The following TBC1D9 variants were observed in gnomAD, a reference collection of about 807,000 sequenced individuals.
TBC1D9 encodes TBC1 domain family member 9A.
In TBC1D9, 63 loss-of-function variants were observed where a neutral mutation model predicts 132.0. That is an observed-to-expected ratio of 0.48 (90% CI 0.39 to 0.59). The LOEUF (loss-of-function observed/expected upper bound fraction) is 0.59. Ranked by LOEUF, TBC1D9 falls within the 20% of genes least tolerant of loss-of-function variation. The pLI, the probability that TBC1D9 is intolerant of heterozygous loss-of-function variation, is 0.00. For missense variants in TBC1D9, 1,261 were observed against 1,592.7 expected, an observed-to-expected ratio of 0.79 and a Z score of 3.54; for synonymous variants, 610 against 609.9, an observed-to-expected ratio of 1.00 and a Z score of 0.00.
intron 2 of TBC1D9, among the ~76,000 whole-genome samples, chr4:140,696,006 GC>G (rs1737949741): frequency 1.3e-5 from 2 of 152,234 alleles, no homozygotes; most frequent in South Asian, 4.1e-4. Context: ...TGGCATATTA[GC>G]CAAAAAGAAT....
intron 13 of TBC1D9, among the ~76,000 whole-genome samples, chr4:140,647,381 G>A (rs1031213696): frequency 2.0e-5 from 3 of 152,194 alleles, no homozygotes; most frequent in Non-Finnish European, 4.4e-5. Context: ...ATCATAGGCA[G>A]TAAGTTCTTC....
At chr4:140,664,967 C>T (rs758795982) in intron 9 of TBC1D9, among the ~76,000 whole-genome samples, 1 of 151,910 alleles carries the variant, frequency 6.6e-6, no homozygotes, top group Non-Finnish European at 1.5e-5. Flanking sequence ...ATTAGCCAGG[C>T]GTGGTGGTGC....
chr4:140,623,837 G>A (rs901563392), intron 20 of TBC1D9, among the ~76,000 whole-genome samples: 9 of 152,220 alleles, frequency 5.9e-5, no homozygotes, highest in South Asian at 2.1e-4. Context: ...TTTGTCTTTC[G>A]AGTATCTGAG....
Position 140,639,129 on chromosome 4 carries a change from G to A in TBC1D9, c.2462C>T (p.Ser821Phe). 1 of 1,588,160 alleles carries A rather than the reference G, an allele frequency of 6.3e-7. No individual in the cohort carries two copies. Among genetic ancestry groups the A allele is most frequent in the East Asian group, 2.3e-5 (1 of 44,236 alleles). ...NVVRTIVTET[S>F]FTIDELEELY... ...TTCTTCCAGCTCATCAATGGTAAAG[G>A]AAGTTTCTGTCACAATGGTTCGTAC... The change falls in exon 15 of 21, where the codon TCC becomes TTC. Residue 821 changes from serine (S) to phenylalanine (F), a missense_variant. Coordinates refer to ENST00000442267, the MANE Select transcript of TBC1D9 (RefSeq NM_015130.3).
chr4:140,735,246 C>T (rs1560900070), intron 1 of TBC1D9, among the ~76,000 whole-genome samples: 1 of 152,074 alleles, frequency 6.6e-6, no homozygotes, highest in Non-Finnish European at 1.5e-5. Flanking sequence ...AATACTATTG[C>T]CCACTCTGCA....
chr4:140,657,358 A>G, intron 12 of TBC1D9, 132 bp from the exon 13 acceptor site: 1 of 1,370,032 alleles, frequency 7.3e-7, no homozygotes, highest in Non-Finnish European at 9.9e-7. Flanking sequence ...GGAAAGAGAG[A>G]AAGAAATTCT....
intron 1 of TBC1D9, among the ~76,000 whole-genome samples, chr4:140,744,547 A>G (rs1738809005): frequency 6.6e-6 from 1 of 152,270 alleles, no homozygotes; most frequent in African/African-American, 2.4e-5. Context: ...AACACTTGCC[A>G]TCTATTCCCA....
intron 6 of TBC1D9, among the ~76,000 whole-genome samples, chr4:140,671,971 A>T (rs1482665321): frequency 6.6e-6 from 1 of 152,128 alleles, no homozygotes; most frequent in East Asian, 1.9e-4. Flanking sequence ...TTAAACTTTA[A>T]GTTGTTCATT....
chr4:140,646,683 A>T (rs990990141), intron 13 of TBC1D9, among the ~76,000 whole-genome samples: 2 of 152,144 alleles, frequency 1.3e-5, no homozygotes, highest in African/African-American at 4.8e-5. Context: ...GAAAGGAATG[A>T]CCCAGGCATT....
chr4:140,709,453 A>G (rs1183510005), intron 1 of TBC1D9, among the ~76,000 whole-genome samples: 2 of 151,974 alleles, frequency 1.3e-5, no homozygotes, highest in East Asian at 3.9e-4. Flanking sequence ...TTAGTTTTCA[A>G]TCTGTTACAG....
intron 1 of TBC1D9, among the ~76,000 whole-genome samples, chr4:140,729,066 T>C (rs1026186164): frequency 4.6e-5 from 7 of 152,272 alleles, no homozygotes; most frequent in South Asian, 2.1e-4. Flanking sequence ...TGCTTTAACA[T>C]CTTTCTATTC....
chr4:140,623,767 T>C (rs950156146), intron 20 of TBC1D9, among the ~76,000 whole-genome samples: 1 of 152,224 alleles, frequency 6.6e-6, no homozygotes, highest in Non-Finnish European at 1.5e-5. Flanking sequence ...CACCAGGTTT[T>C]TAAGGAAAAT....
At chr4:140,746,680 G>A (rs963898956) in intron 1 of TBC1D9, among the ~76,000 whole-genome samples, 16 of 152,252 alleles carry the variant, frequency 1.1e-4, no homozygotes, top group African/African-American at 2.2e-4. Context: ...AGAGCCAAGC[G>A]AAAGGGGTTT....
intron 2 of TBC1D9, among the ~76,000 whole-genome samples, chr4:140,699,146 A>C (rs959678899): frequency 2.0e-5 from 3 of 152,212 alleles, no homozygotes; most frequent in African/African-American, 7.2e-5. Flanking sequence ...CAAAGAATAA[A>C]GTAATGTTGG....
intron 13 of TBC1D9, among the ~76,000 whole-genome samples, chr4:140,641,636 C>T (rs1476635890): frequency 9.3e-6 from 1 of 108,092 alleles, no homozygotes; most frequent in Non-Finnish European, 1.8e-5. Context: ...GGGAGGAACT[C>T]GGGGTAGGGG....
Position 140,661,107 on chromosome 4 carries a change from T to G in TBC1D9, c.1803+786A>C, listed in dbSNP as rs372038724. On this transcript the variant is annotated intron_variant, in intron 10 of 20. Coordinates refer to ENST00000442267, the MANE Select transcript of TBC1D9 (RefSeq NM_015130.3). Reference sequence around the variant, plus strand: ...TTTTTTGTATTTTTAGTAGAGACGGTGTTTCACCGTGTTAGCCAGGATGGT... The same window carrying G: ...TTTTTTGTATTTTTAGTAGAGACGGGGTTTCACCGTGTTAGCCAGGATGGT... Among the ~76,000 whole-genome samples, 54 of 152,134 alleles carry G rather than the reference T, an allele frequency of 3.5e-4. 1 individual carries two copies. Among genetic ancestry groups the G allele is most frequent in the African/African-American group, 8.4e-4 (35 of 41,514 alleles).
rs536150931 is a variant in TBC1D9 at position 140,632,031 on chromosome 4, G to T, written c.2746+1917C>A. 2.8e-4 allele frequency among the ~76,000 whole-genome samples: 43 copies of T among 152,296 alleles called. No homozygotes were observed. The South Asian group carries it at 6.4e-3, about 23-fold the overall frequency. On this transcript the variant is annotated intron_variant, in intron 16 of 20. Coordinates refer to ENST00000442267, the MANE Select transcript of TBC1D9 (RefSeq NM_015130.3). Reference sequence around the variant, plus strand: ...CTGAGAGTTCTCCCACTAATCTGGGGTATAGTTTACTTTGCCCAGGAACTC... The same window carrying T: ...CTGAGAGTTCTCCCACTAATCTGGGTTATAGTTTACTTTGCCCAGGAACTC...
At position 140,726,426 on chromosome 4, in the gene TBC1D9, C is replaced by T. The variant is rs142211311; in HGVS notation, c.131-24812G>A. On this transcript the variant is annotated intron_variant, in intron 1 of 20. Transcript: ENST00000442267. Reference sequence around the variant, plus strand: ...GGGACAGCTGCTCAGGGTCAACATGCGCAAACTTTTCTCCTCTTACATCTT... The same window carrying T: ...GGGACAGCTGCTCAGGGTCAACATGTGCAAACTTTTCTCCTCTTACATCTT... Among the ~76,000 whole-genome samples the T allele has an allele frequency of 5.9e-5, 9 of 152,228 alleles. No homozygotes were observed. The East Asian group carries it at 9.6e-4, about 16-fold the overall frequency.
At chr4:140,687,345 TATATA>T (rs1560885833) in intron 2 of TBC1D9, among the ~76,000 whole-genome samples, 34 of 11,580 alleles carry the variant, frequency 2.9e-3, no homozygotes, top group African/African-American at 0.021. Context: ...GTGTGTGTCA[TATATA>T]TATATATATA....
Sources: gnomAD v4.1 joint callset for allele counts (sites outside exome capture counted in the v4.1 genomes callset) on GRCh38, gnomAD v4.1.1 for gene constraint, MANE v1.5 for transcripts, NCBI Gene and HGNC (gene_info 2026-07-23, HGNC 2026-07-21) for gene names.